The following VANGL2 variants were observed in gnomAD, a reference collection of about 807,000 sequenced individuals.
The protein encoded by VANGL2 is VANGL planar cell polarity protein 2.
Under a neutral mutation model 50.2 loss-of-function variants are expected in VANGL2, and 14 were observed. That is an observed-to-expected ratio of 0.28 (90% CI 0.18 to 0.44). VANGL2 has a LOEUF of 0.44. Among genes scored for constraint, VANGL2 ranks in the 20% least tolerant of loss-of-function variants. The pLI is 1.00. For synonymous variants in VANGL2, 295 were observed against 297.2 expected (o/e 0.99, Z 0.08); for missense variants, 533 against 701.5 (o/e 0.76, Z 2.71).
Position 160,424,058 on chromosome 1 carries a change from A to G in VANGL2, c.1080A>G (p.Val360=), listed in dbSNP as rs767817297. The G allele has an allele frequency of 3.1e-6, 5 of 1,613,980 alleles. No homozygotes were observed. Among genetic ancestry groups the G allele is most frequent in the Non-Finnish European group, 4.2e-6 (5 of 1,179,890 alleles). ...GTCCCCTCCTGTCCCCTAGGCTTGT[A>G]GTGGCGGTGGAGGAGGCCTTCACTC... The part of the protein sequence containing the change: ...RRVRKRRARL[V]VAVEEAFTHI... The change falls in exon 7 of 8, where the codon GTA becomes GTG. Residue 360 remains valine, a synonymous_variant. Transcript: ENST00000368061.
chr1:160,401,343 G>GT (rs1014932944), intron 1 of VANGL2, among the ~76,000 whole-genome samples: 1 of 152,046 alleles, frequency 6.6e-6, no homozygotes, highest in African/African-American at 2.4e-5. Context: ...TGCGTTAAGG[G>GT]TGTAGAGTGG....
chr1:160,410,988 G>A (rs1197393755), intron 1 of VANGL2, among the ~76,000 whole-genome samples: 1 of 152,104 alleles, frequency 6.6e-6, no homozygotes, highest in Non-Finnish European at 1.5e-5. Context: ...TGTGGGAGAA[G>A]CTGGGCAGCA....
In VANGL2 at chr1:160,425,107, T is replaced by G. The variant is rs775413008; in HGVS notation, c.1306-11T>G. ...CAGAGATTCTTATGCAGCCCCTTCT[T>G]TCCACTTCAGGCCTTCTTGGAGCGA... On this transcript the variant is annotated splice_polypyrimidine_tract_variant and intron_variant, in intron 7 of 7. Transcript: ENST00000368061. The G allele has an allele frequency of 6.2e-7, 1 of 1,614,000 alleles. No individual in the cohort carries two copies. Among genetic ancestry groups the G allele is most frequent in the Non-Finnish European group, 8.5e-7 (1 of 1,179,924 alleles).
chr1:160,400,838 C>A lies in VANGL2; in HGVS notation c.-222C>A, dbSNP rs948925279. The A allele has an allele frequency of 1.3e-5, 2 of 151,776 alleles. No homozygotes were observed. The highest frequency in any genetic ancestry group is 6.6e-5 in the Admixed American group (1 of 15,262). The allele number at this position is 151,776 out of a possible 1,614,324, so 9.4% of individuals were successfully genotyped here. A position where few individuals can be genotyped will look rare whatever the true frequency, so the allele number is the denominator to read the frequency against. On this transcript the variant is annotated 5_prime_UTR_variant, in exon 1 of 8. Coordinates refer to ENST00000368061, the MANE Select transcript of VANGL2 (RefSeq NM_020335.3). ...AAGGCGACGGGCCGAGCGGGGCGCCCGCGGAGCCCACCCGGCAGTTCGCAG... is the reference window on the plus strand; with the variant it reads ...AAGGCGACGGGCCGAGCGGGGCGCCAGCGGAGCCCACCCGGCAGTTCGCAG...
Position 160,427,547 on chromosome 1 carries a change from C to G in VANGL2, c.*2169C>G, listed in dbSNP as rs1651501969. Reference sequence around the variant, plus strand: ...TGCTTCAGAACTGTGGTATCTTTGTCTTTTTTCATTATTATTATTATTATT... The same window carrying G: ...TGCTTCAGAACTGTGGTATCTTTGTGTTTTTTCATTATTATTATTATTATT... On this transcript the variant is annotated 3_prime_UTR_variant, in exon 8 of 8. Coordinates refer to ENST00000368061, the MANE Select transcript of VANGL2 (RefSeq NM_020335.3). 7.2e-6 allele frequency: 1 copy of G among 139,164 alleles called. No individual in the cohort carries two copies. The highest frequency in any genetic ancestry group is 2.6e-5 in the African/African-American group (1 of 38,208). The allele number at this position is 139,164 out of a possible 1,614,324, so 8.6% of individuals were successfully genotyped here. A position where few individuals can be genotyped will look rare whatever the true frequency, so the allele number is the denominator to read the frequency against.
chr1:160,412,963 G>C (rs1177768236), intron 1 of VANGL2, among the ~76,000 whole-genome samples: 1 of 152,190 alleles, frequency 6.6e-6, no homozygotes, highest in East Asian at 1.9e-4. Context: ...GTAACATGCT[G>C]TACAGGTTTG....
At chr1:160,405,310 G>T (rs1361404461) in intron 1 of VANGL2, among the ~76,000 whole-genome samples, 2 of 152,094 alleles carry the variant, frequency 1.3e-5, no homozygotes, top group East Asian at 1.9e-4. Flanking sequence ...ACCCTACGGC[G>T]GCCCTCCCCT....
Position 160,415,582 on chromosome 1 carries a change from G to A in VANGL2, c.-190-66G>A, listed in dbSNP as rs1024947898. 9.3e-6 allele frequency: 5 copies of A among 536,892 alleles called. No individual in the cohort carries two copies. In the Admixed American group the frequency reaches 1.6e-4, roughly 17 times the overall value. 33.3% of individuals were successfully genotyped at this position (536,892 alleles called of 1,614,324 possible). A position where few individuals can be genotyped will look rare whatever the true frequency, so the allele number is the denominator to read the frequency against. ...CTCCTGTGGCTGTTGTGTGCAGATG[G>A]TCTTCCTCTGCCCTGACCCCACAGG... is the stretch of plus-strand genomic sequence containing the variant. On this transcript the variant is annotated intron_variant, in intron 1 of 7. Coordinates refer to ENST00000368061, the MANE Select transcript of VANGL2 (RefSeq NM_020335.3).
intron 1 of VANGL2, among the ~76,000 whole-genome samples, chr1:160,401,186 G>A (rs1374030423): frequency 2.6e-5 from 4 of 152,196 alleles, no homozygotes; most frequent in Admixed American, 6.5e-5. Context: ...ATGATCCCAG[G>A]GGAGCCGGTT....
chr1:160,411,173 CCCAGATAAT>C (rs1269994942), intron 1 of VANGL2, among the ~76,000 whole-genome samples: 1 of 151,932 alleles, frequency 6.6e-6, no homozygotes, highest in Non-Finnish European at 1.5e-5. Context: ...TCATTTTAAC[CCCAGATAAT>C]CCATGGTTGG....
At chr1:160,422,339 A>T (rs1170936134) in intron 6 of VANGL2, among the ~76,000 whole-genome samples, 1 of 152,156 alleles carries the variant, frequency 6.6e-6, no homozygotes, top group Non-Finnish European at 1.5e-5. Context: ...AATCTCCTGT[A>T]CTGCCACCAC....
At chr1:160,424,831 C>T (rs1651396073) in intron 7 of VANGL2, among the ~76,000 whole-genome samples, 1 of 152,164 alleles carries the variant, frequency 6.6e-6, no homozygotes, top group African/African-American at 2.4e-5. Flanking sequence ...GCCCAGGTCA[C>T]AGCCTGGTGC....
chr1:160,411,283 C>T (rs1216059934), intron 1 of VANGL2, among the ~76,000 whole-genome samples: 2 of 151,798 alleles, frequency 1.3e-5, no homozygotes, highest in African/African-American at 2.4e-5. Flanking sequence ...TCTATAGCCT[C>T]CCCCTTCCCC....
Position 160,419,066 on chromosome 1 carries a change from A to T in VANGL2, c.257A>T (p.Asp86Val). The T allele has an allele frequency of 6.2e-7, 1 of 1,613,484 alleles. No individual in the cohort carries two copies. Among genetic ancestry groups the T allele is most frequent in the South Asian group, 1.1e-5 (1 of 91,066 alleles). ...TGTSEHSISH[D>V]DLTRIAKDME... ...ACCTCAGAGCACAGCATCTCCCATG[A>T]TGACCTCACACGCATCGCCAAGGAC... Residue 86 changes from aspartate (D) to valine (V), a missense_variant, in exon 4 of 8, where the codon GAT becomes GTT. Coordinates refer to ENST00000368061, the MANE Select transcript of VANGL2 (RefSeq NM_020335.3). This position sits in a 1 kb window ranked among gnomAD's most constrained non-coding sequence, Gnocchi z 5.8.
chr1:160,424,289 C>T lies in VANGL2; in HGVS notation c.1305+6C>T. The T allele has an allele frequency of 6.2e-7, 1 of 1,613,494 alleles. No individual in the cohort carries two copies. The highest frequency in any genetic ancestry group is 8.5e-7 in the Non-Finnish European group (1 of 1,179,560). ...CGCATGACATGACGCCCAAGGTAGG[C>T]CTGCCCTGCTGCCAGCATCCTTCCT... is the stretch of plus-strand genomic sequence containing the variant. On this transcript the variant is annotated splice_donor_region_variant and intron_variant, in intron 7 of 7. Transcript: ENST00000368061.
At chr1:160,411,336 C>T (rs1386764586) in intron 1 of VANGL2, among the ~76,000 whole-genome samples, 1 of 151,872 alleles carries the variant, frequency 6.6e-6, no homozygotes, top group Non-Finnish European at 1.5e-5. Context: ...CCGGACTTCC[C>T]TCCCTGTCTC....
chr1:160,418,211 G>A (rs1057193441), intron 3 of VANGL2, among the ~76,000 whole-genome samples: 11 of 152,118 alleles, frequency 7.2e-5, no homozygotes, highest in Non-Finnish European at 1.3e-4. Context: ...GTGAGCCACC[G>A]TGCCCAGCAG....
rs532502251 is a variant in VANGL2, at chr1:160,404,514, C to T, written c.-191+3645C>T. 3.9e-4 allele frequency among the ~76,000 whole-genome samples: 59 copies of T among 152,288 alleles called. 2 individuals are homozygous for T. The South Asian group carries it at 0.012, about 32-fold the overall frequency. ...CAACCACCTCTGTCTAGTCCCCAAA[C>T]ATTTGCACCATCCCGAAACAAAACC... On this transcript the variant is annotated intron_variant, in intron 1 of 7. Transcript: ENST00000368061.
chr1:160,405,463 G>A (rs929324338), intron 1 of VANGL2, among the ~76,000 whole-genome samples: 6 of 152,154 alleles, frequency 3.9e-5, no homozygotes, highest in African/African-American at 1.4e-4. Flanking sequence ...GGAGGCAGAG[G>A]CCCTTTATGG....
Sources: allele counts gnomAD v4.1 joint callset (sites outside exome capture counted in the v4.1 genomes callset), GRCh38; gene constraint gnomAD v4.1.1; non-coding constraint Gnocchi (gnomAD v3.1); transcripts MANE v1.5; gene names NCBI Gene and HGNC (gene_info 2026-07-23, HGNC 2026-07-21).